LRP2: variants seen among roughly 807,000 people sequenced by gnomAD.
LRP2 encodes low-density lipoprotein receptor-related protein 2.
LRP2 carries 172 observed loss-of-function variants against 531.0 expected under a neutral mutation model. That is an observed-to-expected ratio of 0.32 (90% CI 0.29 to 0.37). The LOEUF is 0.37. LRP2 is among the 10% of genes least tolerant of loss of function. LRP2 has a pLI of 1.00. For synonymous variants in LRP2, 1,992 were observed against 2,027.6 expected (o/e 0.98, Z 0.47); for missense variants, 5,167 against 5,868.3 (o/e 0.88, Z 3.90).
At chr2:169,300,843 G>C (rs1452117320) in intron 4 of LRP2, among the ~76,000 whole-genome samples, 1 of 151,996 alleles carries the variant, frequency 6.6e-6, no homozygotes, top group Non-Finnish European at 1.5e-5. Flanking sequence ...GCTTAAATGT[G>C]GAACTGAGTT....
At chr2:169,338,193 A>G (rs60911566) in intron 1 of LRP2, among the ~76,000 whole-genome samples, 4,070 of 150,210 alleles carry the variant, frequency 0.027, 87 homozygotes, top group East Asian at 0.094. Context: ...AGAAAGAGAG[A>G]AAGAAAAGAA....
chr2:169,233,992 A>C (rs572868414), intron 29 of LRP2, among the ~76,000 whole-genome samples: 17 of 152,210 alleles, frequency 1.1e-4, no homozygotes, highest in Middle Eastern at 3.4e-3. Flanking sequence ...CCATCAGCAC[A>C]CTTGTGCCGG....
At chr2:169,160,424 C>T (rs1359844159) in intron 63 of LRP2, among the ~76,000 whole-genome samples, 2 of 151,330 alleles carry the variant, frequency 1.3e-5, no homozygotes, top group Admixed American at 1.3e-4. Context: ...GTCTTAAACA[C>T]TTCAGTGATG....
chr2:169,338,463 A>T (rs1685482128), intron 1 of LRP2, among the ~76,000 whole-genome samples: 1 of 152,130 alleles, frequency 6.6e-6, no homozygotes, highest in South Asian at 2.1e-4. Flanking sequence ...GAAGGAAGGA[A>T]GGAAGGAAAA....
chr2:169,208,917 T>A (rs912515340), intron 38 of LRP2, among the ~76,000 whole-genome samples: 1 of 152,154 alleles, frequency 6.6e-6, no homozygotes, highest in Non-Finnish European at 1.5e-5. Context: ...TTCAAGCTTA[T>A]GTGCATGAAT....
intron 1 of LRP2, among the ~76,000 whole-genome samples, chr2:169,353,713 G>A (rs185066106): frequency 2.4e-4 from 37 of 152,260 alleles, no homozygotes; most frequent in African/African-American, 6.7e-4. Context: ...GATTTCAGCC[G>A]GGCATGGTGG....
In LRP2 at chr2:169,220,460, G is replaced by A. The variant is rs371544943; in HGVS notation, c.5642C>T (p.Ala1881Val). The change falls in exon 34 of 79, where the codon GCT becomes GTT. Residue 1881 changes from alanine (A) to valine (V), a missense_variant. By Grantham distance (64) the Ala-to-Val change is moderately conservative (BLOSUM62 0). Around this residue, in one of 6 missense-constraint regions of LRP2, gnomAD observed 2,811 missense variants for 3,058.0 expected, o/e 0.92. Coordinates refer to ENST00000649046, the MANE Select transcript of LRP2 (RefSeq NM_004525.3). ...GFPIGITVDP[A>V]RGKLYWSDQG... ...GCCATTTATGAATACTCACCCACGA[G>A]CAGGATCAACAGTTATGCCAATTGG... 1.9e-6 allele frequency: 3 copies of A among 1,611,886 alleles called. No homozygotes were observed. The highest frequency in any genetic ancestry group is 2.7e-5 in the African/African-American group (2 of 74,852).
At chr2:169,151,471 G>T (rs1412041555) in intron 67 of LRP2, among the ~76,000 whole-genome samples, 2 of 152,048 alleles carry the variant, frequency 1.3e-5, no homozygotes, top group African/African-American at 4.8e-5. Context: ...CATAAGGCAC[G>T]GTGGGGCTGG....
At chr2:169,280,605 T>C (rs1683678151) in intron 10 of LRP2, 86 bp from the exon 11 acceptor site, 3 of 1,317,092 alleles carry the variant, frequency 2.3e-6, no homozygotes, top group Non-Finnish European at 3.2e-6. Context: ...TTTCTGCTTT[T>C]TCAAATGCTA....
Position 169,206,506 on chromosome 2 carries a change from G to C in LRP2, c.7214C>G (p.Pro2405Arg). The C allele has an allele frequency of 3.7e-6, 6 of 1,614,202 alleles. No homozygotes were observed. The highest frequency in any genetic ancestry group is 5.1e-6 in the Non-Finnish European group (6 of 1,180,036). Residue 2405 changes from proline (P) to arginine (R), a missense_variant, in exon 39 of 79, where the codon CCT becomes CGT. Transcript: ENST00000649046. The part of the protein sequence containing the change: ...SNSLRSLHLD[P>R]ENHSPPFQTI... ...TTGGAAAGGTGGGCTATGGTTTTCAGGGTCCAAGTGTAAGCTTCTCAAGGA... is the reference window on the plus strand; with the variant it reads ...TTGGAAAGGTGGGCTATGGTTTTCACGGTCCAAGTGTAAGCTTCTCAAGGA...
chr2:169,294,543 C>G, intron 5 of LRP2, 57 bp downstream of exon 5: 5 of 1,285,300 alleles, frequency 3.9e-6, no homozygotes, highest in Non-Finnish European at 5.7e-6. Flanking sequence ...TTGGCTCTCT[C>G]AAACCAGTAT....
chr2:169,243,124 A>G, intron 23 of LRP2, 52 bp from the exon 24 acceptor site: 1 of 1,386,214 alleles, frequency 7.2e-7, no homozygotes, highest in Non-Finnish European at 1.0e-6. Context: ...TAAAATGACT[A>G]AACACTGAGA....
intron 76 of LRP2, among the ~76,000 whole-genome samples, chr2:169,134,649 G>A (rs548973403): frequency 1.3e-5 from 2 of 152,230 alleles, no homozygotes; most frequent in South Asian, 2.1e-4. Context: ...TCAGCAAGCC[G>A]AACTCATTGC....
rs2302696 is a variant in LRP2, at chr2:169,197,070, C to T, written c.8579-40G>A. On this transcript the variant is annotated intron_variant, in intron 45 of 78. Transcript: ENST00000649046. ...GAAGATAAAACCCATGAGCAAAACA[C>T]AAGCATGTTCCCATCAGTCTTAACA... The T allele has an allele frequency of 0.28, 455,959 of 1,607,524 alleles. 68,788 individuals carry two copies. Among genetic ancestry groups the T allele is most frequent in the East Asian group, 0.56 (24,986 of 44,784 alleles).
At chr2:169,271,782 A>G in intron 15 of LRP2, 1 of 538,940 alleles carries the variant, frequency 1.9e-6, no homozygotes, top group Non-Finnish European at 2.4e-6. Context: ...CAAGAACCTT[A>G]CAGTAGATAC....
At chr2:169,239,405 A>C (rs908901850) in intron 26 of LRP2, 122 bp downstream of exon 26, 1 of 1,544,616 alleles carries the variant, frequency 6.5e-7, no homozygotes, top group African/African-American at 1.4e-5. Flanking sequence ...GAGATTGCAT[A>C]ATCTTTCCAG....
intron 3 of LRP2, among the ~76,000 whole-genome samples, chr2:169,313,801 G>A (rs991373229): frequency 6.6e-6 from 1 of 152,158 alleles, no homozygotes; most frequent in Admixed American, 6.5e-5. Context: ...GACTGGAGCT[G>A]TTCCTATTCG....
rs748248146 is a variant in LRP2 at position 169,137,498 on chromosome 2, T to A, written c.13519-5A>T. 4.6e-6 allele frequency: 7 copies of A among 1,536,620 alleles called. No individual in the cohort carries two copies. In the East Asian group the frequency reaches 1.1e-4, roughly 25 times the overall value. On this transcript the variant is annotated splice_polypyrimidine_tract_variant and splice_region_variant and intron_variant, in intron 75 of 78. Coordinates refer to ENST00000649046, the MANE Select transcript of LRP2 (RefSeq NM_004525.3). ...TTCCATGACAAAGTCTTCACTCTGA[T>A]GGCAGAGACAGAAAGAGAGAGAGAG...
At position 169,271,122 on chromosome 2, in the gene LRP2, A is replaced by C. The variant is rs1027279966; in HGVS notation, c.2117-15T>G. The C allele has an allele frequency of 1.3e-6, 2 of 1,588,206 alleles. No homozygotes were observed. Among genetic ancestry groups the C allele is most frequent in the Middle Eastern group, 1.7e-4 (1 of 5,996 alleles). On this transcript the variant is annotated splice_polypyrimidine_tract_variant and intron_variant, in intron 15 of 78. Coordinates refer to ENST00000649046, the MANE Select transcript of LRP2 (RefSeq NM_004525.3). The stretch of plus-strand genomic sequence containing the variant: ...ATTCTGAACAGCTGTAGGAAGAATA[A>C]CACAGCACAGTCAGTCACAGCATGG...
Sources: gnomAD v4.1 joint callset for allele counts (sites outside exome capture counted in the v4.1 genomes callset) on GRCh38, gnomAD v4.1.1 for gene constraint, gnomAD v4.1.1 regional missense constraint, MANE v1.5 for transcripts, NCBI Gene and HGNC (gene_info 2026-07-23, HGNC 2026-07-21) for gene names.